The following EEIG1 variants were observed in gnomAD, a reference collection of about 807,000 sequenced individuals.
EEIG1 encodes early estrogen-induced gene 1 protein.
the EEIG1 span, among the ~76,000 whole-genome samples, chr9:127,952,045 T>C: frequency 0.89 from 135,724 of 152,268 alleles, 61,176 homozygotes; most frequent in Non-Finnish European, 0.97. Context: ...GTGCCTGCCA[T>C]GTGCTGGGTG....
chr9:127,945,102 A>G, the EEIG1 span, among the ~76,000 whole-genome samples: 1 of 152,156 alleles, frequency 6.6e-6, no homozygotes, highest in Non-Finnish European at 1.5e-5. This position sits in a 1 kb window ranked among gnomAD's most constrained non-coding sequence, Gnocchi z 6.5. Flanking sequence ...ATGCCAGGCA[A>G]TGAGCAGGTA....
the EEIG1 span, chr9:127,979,900 C>T: frequency 6.9e-7 from 1 of 1,443,104 alleles, no homozygotes; most frequent in Non-Finnish European, 9.3e-7. Context: ...ATCCTCCTCA[C>T]ACCGGCCCCA....
At chr9:127,974,894 C>T in the EEIG1 span, among the ~76,000 whole-genome samples, 1 of 152,182 alleles carries the variant, frequency 6.6e-6, no homozygotes, top group Non-Finnish European at 1.5e-5. Flanking sequence ...TCCAGAGCTC[C>T]TGCTCTGTGA....
At chr9:127,980,761 T>C in the EEIG1 span, among the ~76,000 whole-genome samples, 1 of 149,670 alleles carries the variant, frequency 6.7e-6, no homozygotes, top group Non-Finnish European at 1.5e-5. Flanking sequence ...GCCGGGAACG[T>C]CCGGCCTCGG....
chr9:127,953,968 G>C, the EEIG1 span: 1 of 1,609,396 alleles, frequency 6.2e-7, no homozygotes, highest in South Asian at 1.1e-5. Context: ...ACACACATCC[G>C]CGCCAGGGGA....
chr9:127,958,090 AAT>A, the EEIG1 span, among the ~76,000 whole-genome samples: 909 of 152,378 alleles, frequency 6.0e-3, 20 homozygotes, highest in African/African-American at 0.021. Flanking sequence ...TGGGAAAAAG[AAT>A]AGTCTTTTCA....
At chr9:127,948,890 TAAC>T in the EEIG1 span, among the ~76,000 whole-genome samples, 2 of 152,076 alleles carry the variant, frequency 1.3e-5, no homozygotes, top group Non-Finnish European at 2.9e-5. Flanking sequence ...CATTGCAAAC[TAAC>T]AACAGCCCAA....
chr9:127,955,215 G>A, the EEIG1 span, among the ~76,000 whole-genome samples: 19 of 152,330 alleles, frequency 1.2e-4, no homozygotes, highest in Admixed American at 4.6e-4. Context: ...GCAGAGGGTC[G>A]GAGAGGGCCG....
chr9:127,961,797 G>A, the EEIG1 span, among the ~76,000 whole-genome samples: 3 of 148,636 alleles, frequency 2.0e-5, no homozygotes, highest in Non-Finnish European at 4.4e-5. Context: ...GAGCAATCCG[G>A]GCACGAGGAA....
chr9:127,974,177 GC>G, the EEIG1 span, among the ~76,000 whole-genome samples: 9 of 152,022 alleles, frequency 5.9e-5, no homozygotes, highest in African/African-American at 1.9e-4. Context: ...TCTCCAATCT[GC>G]CTGCTCCTCT....
the EEIG1 span, among the ~76,000 whole-genome samples, chr9:127,965,625 G>T: frequency 6.6e-6 from 1 of 152,168 alleles, no homozygotes; most frequent in African/African-American, 2.4e-5. Context: ...CCAGCCCTTG[G>T]CCTGGTTCCT....
chr9:127,943,810 C>T, the EEIG1 span: 1 of 157,744 alleles, frequency 6.3e-6, no homozygotes, highest in Non-Finnish European at 1.4e-5. Context: ...CCCCCTCACC[C>T]CCACCCGAGA....
the EEIG1 span, chr9:127,980,326 GC>G: frequency 1.7e-6 from 1 of 575,444 alleles, no homozygotes; most frequent in East Asian, 3.2e-5. Flanking sequence ...TCGCGGGCCG[GC>G]GGGCTTCACC....
At chr9:127,965,564 C>T in the EEIG1 span, among the ~76,000 whole-genome samples, 3 of 152,300 alleles carry the variant, frequency 2.0e-5, no homozygotes, top group Admixed American at 2.0e-4. Context: ...CCTTGCCTGC[C>T]ATCCGTCTGC....
chr9:127,953,708 C>T, the EEIG1 span: 2 of 1,605,020 alleles, frequency 1.2e-6, no homozygotes, highest in South Asian at 1.1e-5. Flanking sequence ...GGGCAACGGG[C>T]AGAGCAACTC....
At chr9:127,948,418 T>G in the EEIG1 span, 1 of 1,614,036 alleles carries the variant, frequency 6.2e-7, no homozygotes, top group Non-Finnish European at 8.5e-7. Flanking sequence ...TGGTGACCTG[T>G]GGCGAGGGGA....
chr9:127,954,022 G>A, the EEIG1 span: 1 of 1,460,388 alleles, frequency 6.8e-7, no homozygotes. Context: ...TTGGGACTGA[G>A]GCGGTGGGAA....
the EEIG1 span, among the ~76,000 whole-genome samples, chr9:127,951,265 T>TA: frequency 6.6e-6 from 1 of 152,188 alleles, no homozygotes; most frequent in East Asian, 1.9e-4. Context: ...GCAAAGGGTC[T>TA]AGGAGGCCCC....
the EEIG1 span, among the ~76,000 whole-genome samples, chr9:127,965,244 G>A: frequency 1.3e-5 from 2 of 151,866 alleles, no homozygotes; most frequent in South Asian, 2.1e-4. Flanking sequence ...TTCTTTTTGT[G>A]AGGGGCTGTC....
Sources: allele counts gnomAD v4.1 joint callset (sites outside exome capture counted in the v4.1 genomes callset), GRCh38; gene constraint gnomAD v4.1.1; non-coding constraint Gnocchi (gnomAD v3.1); transcripts MANE v1.5; gene names NCBI Gene and HGNC (gene_info 2026-07-23, HGNC 2026-07-21).